Variants in RSRC1 observed in about 807,000 individuals in gnomAD.
RSRC1 encodes arginine and serine rich coiled-coil 1.
A neutral mutation model predicts 49.1 loss-of-function variants in RSRC1; 39 were observed. The ratio of observed to expected loss-of-function variants is 0.79; its 90% CI spans 0.61 to 1.04. RSRC1 has a LOEUF of 1.04. Ranked by LOEUF, RSRC1 falls within the 50% of genes least tolerant of loss-of-function variation. RSRC1 has a pLI of 0.00. For missense variants in RSRC1, 388 were observed against 402.4 expected, an observed-to-expected ratio of 0.96 and a Z score of 0.31; for synonymous variants, 143 against 130.8, an observed-to-expected ratio of 1.09 and a Z score of -0.63.
At chr3:158,169,480 G>A (rs1718741810) in intron 3 of RSRC1, among the ~76,000 whole-genome samples, 2 of 152,084 alleles carry the variant, frequency 1.3e-5, no homozygotes. Flanking sequence ...TTGGAATGCT[G>A]CAAACCCTTT....
chr3:158,424,536 T>C (rs1290547105), intron 6 of RSRC1, among the ~76,000 whole-genome samples: 4 of 150,040 alleles, frequency 2.7e-5, no homozygotes, highest in African/African-American at 7.4e-5. Flanking sequence ...TGGTCTAAAA[T>C]TCTCTTTTTT....
intron 7 of RSRC1, among the ~76,000 whole-genome samples, chr3:158,529,014 A>G (rs886071320): frequency 2.0e-5 from 3 of 151,710 alleles, no homozygotes; most frequent in African/African-American, 4.8e-5. Context: ...GGCTTAAGGG[A>G]AAAAAATGCT....
At chr3:158,175,218 G>C (rs146147989) in intron 3 of RSRC1, among the ~76,000 whole-genome samples, 202 of 151,784 alleles carry the variant, frequency 1.3e-3, no homozygotes, top group Non-Finnish European at 1.8e-3. Flanking sequence ...ATATATTCTG[G>C]TTATAAACCC....
intron 5 of RSRC1, among the ~76,000 whole-genome samples, chr3:158,307,451 G>A (rs1727897023): frequency 6.6e-6 from 1 of 151,868 alleles, no homozygotes; most frequent in South Asian, 2.1e-4. Flanking sequence ...TTTAGAATAT[G>A]CTTAGCTATA....
chr3:158,428,438 G>A (rs1735584647), intron 6 of RSRC1, among the ~76,000 whole-genome samples: 2 of 151,782 alleles, frequency 1.3e-5, no homozygotes, highest in African/African-American at 2.4e-5. Context: ...TCTGCATCCT[G>A]GCCCTAAGGT....
intron 4 of RSRC1, among the ~76,000 whole-genome samples, chr3:158,283,281 G>A (rs1446239896): frequency 6.6e-6 from 1 of 151,942 alleles, no homozygotes; most frequent in Non-Finnish European, 1.5e-5. Flanking sequence ...TAAAGCTGCT[G>A]TGAGGATTTT....
chr3:158,481,223 G>C (rs564919722), intron 7 of RSRC1, among the ~76,000 whole-genome samples: 2 of 152,100 alleles, frequency 1.3e-5, no homozygotes, highest in East Asian at 3.9e-4. Context: ...GTCATGTTAC[G>C]TATTAAATAA....
At chr3:158,138,652 T>G (rs1396331447) in intron 3 of RSRC1, among the ~76,000 whole-genome samples, 1 of 152,248 alleles carries the variant, frequency 6.6e-6, no homozygotes, top group Non-Finnish European at 1.5e-5. Flanking sequence ...TTTTTATTTT[T>G]TCTCTATATC....
chr3:158,365,166 A>G (rs58925169), intron 6 of RSRC1, among the ~76,000 whole-genome samples: 33,377 of 152,110 alleles, frequency 0.22, 4,259 homozygotes, highest in Non-Finnish European at 0.29. Context: ...TTTTAAAATT[A>G]TACTTTAAGT....
intron 5 of RSRC1, among the ~76,000 whole-genome samples, chr3:158,325,346 G>T (rs1729065714): frequency 6.6e-6 from 1 of 152,156 alleles, no homozygotes; most frequent in Non-Finnish European, 1.5e-5. Flanking sequence ...TTCTTCTAGG[G>T]TTTTTATGGT....
rs1385826609 is a variant in RSRC1, at chr3:158,231,090, G to T, written c.494+27845G>T. Among the ~76,000 whole-genome samples the T allele has an allele frequency of 2.5e-5, 3 of 118,962 alleles. No homozygotes were observed. In the East Asian group the frequency reaches 8.4e-4, roughly 33 times the overall value. 78.0% of individuals were successfully genotyped at this position (118,962 alleles called of 152,430 possible). On this transcript the variant is annotated intron_variant, in intron 4 of 9. Transcript: ENST00000611884. The stretch of plus-strand genomic sequence containing the variant: ...TTCCTGTAGTTAGCCTAAATCTGTT[G>T]TCCTATTTCTTGGCTGTAGTAGAGA...
intron 4 of RSRC1, among the ~76,000 whole-genome samples, chr3:158,283,594 G>T (rs1726310361): frequency 6.6e-6 from 1 of 151,642 alleles, no homozygotes; most frequent in Non-Finnish European, 1.5e-5. Flanking sequence ...GTTTTCTGTT[G>T]TATGGTTATT....
At chr3:158,211,690 G>T (rs1721686853) in intron 4 of RSRC1, among the ~76,000 whole-genome samples, 1 of 151,848 alleles carries the variant, frequency 6.6e-6, no homozygotes, top group African/African-American at 2.4e-5. Flanking sequence ...CTGTGAGAAG[G>T]CAAGTAACTT....
intron 6 of RSRC1, among the ~76,000 whole-genome samples, chr3:158,368,092 T>C (rs1275382158): frequency 1.3e-5 from 2 of 152,188 alleles, no homozygotes; most frequent in Non-Finnish European, 2.9e-5. Flanking sequence ...CAACTTGCCT[T>C]GTTTGAGCAG....
chr3:158,514,255 G>A (rs1740369313), intron 7 of RSRC1, among the ~76,000 whole-genome samples: 1 of 152,120 alleles, frequency 6.6e-6, no homozygotes, highest in African/African-American at 2.4e-5. Flanking sequence ...TGGGCATTTA[G>A]TGCTGTAAAT....
chr3:158,277,983 T>A (rs1101158), intron 4 of RSRC1, among the ~76,000 whole-genome samples: 72,371 of 151,930 alleles, frequency 0.48, 17,801 homozygotes, highest in East Asian at 0.64. Flanking sequence ...CTGCTGAAGC[T>A]AAAAGTGGTT....
intron 7 of RSRC1, among the ~76,000 whole-genome samples, chr3:158,461,524 AT>A (rs1282304015): frequency 6.6e-6 from 1 of 151,858 alleles, no homozygotes; most frequent in Non-Finnish European, 1.5e-5. Flanking sequence ...AATCTAACAC[AT>A]TTTTATCTCC....
At chr3:158,433,855 TAAG>T (rs990841511) in intron 6 of RSRC1, among the ~76,000 whole-genome samples, 15 of 152,026 alleles carry the variant, frequency 9.9e-5, no homozygotes, top group African/African-American at 3.6e-4. Flanking sequence ...TAATATCTGC[TAAG>T]ATTATTCAAA....
chr3:158,177,059 C>T (rs1232532944), intron 3 of RSRC1, among the ~76,000 whole-genome samples: 1 of 152,188 alleles, frequency 6.6e-6, no homozygotes, highest in Non-Finnish European at 1.5e-5. Context: ...CATTACTGGT[C>T]ATCAGAGAAA....
Sources: allele counts gnomAD v4.1 joint callset (sites outside exome capture counted in the v4.1 genomes callset), GRCh38; gene constraint gnomAD v4.1.1; transcripts MANE v1.5; gene names NCBI Gene and HGNC (gene_info 2026-07-23, HGNC 2026-07-21).